The following RASL12 variants were observed in gnomAD, a reference collection of about 807,000 sequenced individuals.
The protein encoded by RASL12 is ras-like protein family member 12.
In RASL12, 16 loss-of-function variants were observed where a neutral mutation model predicts 22.9. The observed-to-expected ratio is 0.70, with a 90% CI of 0.47 to 1.06. The LOEUF (loss-of-function observed/expected upper bound fraction) is 1.06, where lower values mean the gene tolerates loss of function less well. RASL12 is among the 50% of genes least tolerant of loss of function. RASL12 has a pLI of 0.00. For missense variants in RASL12, 306 were observed against 353.1 expected (o/e 0.87, Z 1.07); for synonymous variants, 159 against 152.2 (o/e 1.04, Z -0.33).
intron 4 of RASL12, among the ~76,000 whole-genome samples, chr15:65,056,612 A>G (rs1265366773): frequency 6.6e-6 from 1 of 152,198 alleles, no homozygotes; most frequent in Non-Finnish European, 1.5e-5. Flanking sequence ...TGGGTGACAG[A>G]GGCACAGAAC....
At chr15:65,063,693 C>A (rs1337304511) in intron 2 of RASL12, among the ~76,000 whole-genome samples, 4 of 150,414 alleles carry the variant, frequency 2.7e-5, no homozygotes, top group Non-Finnish European at 4.5e-5. Context: ...CTGTTTGACA[C>A]CCTGGGGTTC....
intron 1 of RASL12, among the ~76,000 whole-genome samples, chr15:65,066,671 C>T (rs1289074714): frequency 2.0e-5 from 3 of 152,166 alleles, no homozygotes; most frequent in South Asian, 2.1e-4. Flanking sequence ...TACAGAGCTA[C>T]GGATAACAAT....
At chr15:65,046,966 G>A in the RASL12 span, among the ~76,000 whole-genome samples, 176 of 152,160 alleles carry the variant, frequency 1.2e-3, 2 homozygotes, top group East Asian at 0.022. Context: ...GCTTACCTGC[G>A]TCTTTGTACA....
chr15:65,056,465 T>G (rs1170402386), intron 4 of RASL12, among the ~76,000 whole-genome samples: 2 of 152,192 alleles, frequency 1.3e-5, no homozygotes, highest in East Asian at 3.9e-4. Context: ...CACCGCTTCC[T>G]GAGGAACCCT....
At chr15:65,065,756 C>T (rs915884940) in intron 1 of RASL12, among the ~76,000 whole-genome samples, 5 of 152,180 alleles carry the variant, frequency 3.3e-5, no homozygotes, top group Non-Finnish European at 5.9e-5. Flanking sequence ...TATAAATCCC[C>T]AAGTGCCTGG....
At chr15:65,068,003 G>A (rs570211292), upstream of RASL12, 2 of 1,150,844 alleles carry the variant, frequency 1.7e-6, no homozygotes, top group East Asian at 4.3e-5. This position sits in a 1 kb window ranked among gnomAD's most constrained non-coding sequence, Gnocchi z 4.2. Flanking sequence ...CCACCCCGCG[G>A]GGAGGAGGGG....
intron 4 of RASL12, among the ~76,000 whole-genome samples, chr15:65,055,778 T>A (rs190713776): frequency 2.0e-5 from 3 of 152,324 alleles, no homozygotes; most frequent in Non-Finnish European, 4.4e-5. Context: ...CAGAAGCCTG[T>A]GGTTGGCAGA....
At chr15:65,076,491 G>T in intron 1 of RASL12, 1 of 674,068 alleles carries the variant, frequency 1.5e-6, no homozygotes, top group South Asian at 1.6e-5. Context: ...AGAAAGGACA[G>T]ACTCCAGACA....
At chr15:65,051,644 G>C (rs758308048), downstream of RASL12, 4 of 1,582,312 alleles carry the variant, frequency 2.5e-6, no homozygotes, top group Admixed American at 6.7e-5. Flanking sequence ...TGGTCTCTGT[G>C]GGGTAGAGGC....
At chr15:65,074,908 G>A (rs1022380085) in intron 1 of RASL12, among the ~76,000 whole-genome samples, 1 of 152,344 alleles carries the variant, frequency 6.6e-6, no homozygotes, top group East Asian at 1.9e-4. Flanking sequence ...CTCTGCCTGG[G>A]CTCCCACTTT....
chr15:65,068,616 T>C (rs2086909120), upstream of RASL12, among the ~76,000 whole-genome samples: 1 of 152,164 alleles, frequency 6.6e-6, no homozygotes, highest in Non-Finnish European at 1.5e-5. The surrounding 1 kb of genome is among the most constrained non-coding windows in gnomAD (Gnocchi z 4.2). Flanking sequence ...AGCTAATGAG[T>C]TGCATGTGTT....
chr15:65,075,411 C>T (rs927215029), intron 1 of RASL12, among the ~76,000 whole-genome samples: 7 of 152,364 alleles, frequency 4.6e-5, no homozygotes, highest in East Asian at 1.9e-4. Flanking sequence ...GGAATGCGAG[C>T]GCATGGTGCA....
intron 1 of RASL12, among the ~76,000 whole-genome samples, chr15:65,074,391 T>A (rs1322940120): frequency 7.1e-6 from 1 of 139,986 alleles, no homozygotes; most frequent in Non-Finnish European, 1.6e-5. Flanking sequence ...CATTTTATTT[T>A]TTAATTAATT....
intron 1 of RASL12, among the ~76,000 whole-genome samples, chr15:65,065,625 C>A (rs146347663): frequency 6.6e-6 from 1 of 152,108 alleles, no homozygotes; most frequent in Non-Finnish European, 1.5e-5. Context: ...AGGGAGGTGT[C>A]GCCCACCCCG....
Position 65,067,938 on chromosome 15 carries a change from G to C in RASL12, c.-103C>G, listed in dbSNP as rs988222501. 1 of 1,273,078 alleles carries C rather than the reference G, an allele frequency of 7.9e-7. No individual in the cohort carries two copies. Among genetic ancestry groups the C allele is most frequent in the African/African-American group, 1.6e-5 (1 of 63,466 alleles). The allele number at this position is 1,273,078 out of a possible 1,614,324, so 78.9% of individuals were successfully genotyped here. On this transcript the variant is annotated 5_prime_UTR_variant, in exon 1 of 5. Transcript: ENST00000220062. ...AGCGGGATGCAGGCTTCCCTGGAGC[G>C]CGCGGCCCCGGACCCGTCGGCGTCC...
chr15:65,049,811 T>G, downstream of RASL12: 1 of 440,864 alleles, frequency 2.3e-6, no homozygotes. Context: ...TCCCATAACT[T>G]TGGGCCAGAG....
At chr15:65,063,005 C>G (rs980053223) in intron 2 of RASL12, among the ~76,000 whole-genome samples, 1 of 152,138 alleles carries the variant, frequency 6.6e-6, no homozygotes, top group African/African-American at 2.4e-5. Context: ...CATTGTGGGG[C>G]TGCCCACTTC....
intron 1 of RASL12, among the ~76,000 whole-genome samples, chr15:65,076,002 GA>G (rs1338489097): frequency 6.6e-6 from 1 of 152,174 alleles, no homozygotes; most frequent in Non-Finnish European, 1.5e-5. Context: ...CCTGTATGTG[GA>G]AACTCTGTAT....
chr15:65,075,131 C>T (rs1181846883), intron 1 of RASL12, among the ~76,000 whole-genome samples: 1 of 152,222 alleles, frequency 6.6e-6, no homozygotes, highest in African/African-American at 2.4e-5. Context: ...GTCAGCCAGC[C>T]CTGCTGGCCC....
Sources: gnomAD v4.1 joint callset for allele counts (sites outside exome capture counted in the v4.1 genomes callset) on GRCh38, gnomAD v4.1.1 for gene constraint, Gnocchi (gnomAD v3.1) non-coding constraint, MANE v1.5 for transcripts, NCBI Gene and HGNC (gene_info 2026-07-23, HGNC 2026-07-21) for gene names.